The following SRGAP3 variants were observed in gnomAD, a reference collection of about 807,000 sequenced individuals.
SRGAP3 encodes SLIT-ROBO Rho GTPase activating protein 3, also known as SLIT-ROBO Rho GTPase-activating protein 3.
SRGAP3 carries 39 observed loss-of-function variants against 121.1 expected under a neutral mutation model. The observed-to-expected ratio is 0.32, with a 90% CI of 0.25 to 0.42. The LOEUF (loss-of-function observed/expected upper bound fraction) is 0.42, where lower values mean the gene tolerates loss of function less well. Ranked by LOEUF, SRGAP3 falls within the 10% of genes least tolerant of loss-of-function variation. The pLI is 1.00. For missense variants in SRGAP3, 1,213 were observed against 1,470.6 expected (o/e 0.82, Z 2.86); for synonymous variants, 601 against 570.0 (o/e 1.05, Z -0.77).
chr3:9,120,587 T>A (rs1252965184), intron 2 of SRGAP3, among the ~76,000 whole-genome samples: 1 of 152,248 alleles, frequency 6.6e-6, no homozygotes, highest in African/African-American at 2.4e-5. Flanking sequence ...CCCTGGGTTT[T>A]CATGCTCGAC....
intron 1 of SRGAP3, among the ~76,000 whole-genome samples, chr3:9,184,792 T>C (rs535352111): frequency 6.6e-6 from 1 of 152,162 alleles, no homozygotes; most frequent in African/African-American, 2.4e-5. Flanking sequence ...TCCTTATCCT[T>C]GCACCCCTCC....
Position 9,053,139 on chromosome 3 carries a change from T to C in SRGAP3, c.1211A>G (p.His404Arg). 1 of 1,614,174 alleles carries C rather than the reference T, an allele frequency of 6.2e-7. No individual in the cohort carries two copies. The highest frequency in any genetic ancestry group is 1.1e-5 in the South Asian group (1 of 91,072). Residue 404 changes from histidine to arginine, a missense_variant, in exon 9 of 22, where the codon CAC becomes CGC. Around this residue, in one of 2 missense-constraint regions of SRGAP3, gnomAD observed 793 missense variants for 1,032.9 expected, o/e 0.77. Coordinates refer to ENST00000383836, the MANE Select transcript of SRGAP3 (RefSeq NM_014850.4). ...EDFDVSDAFQ[H>R]SRSTESVKSA... Reference sequence around the variant, plus strand: ...CTTGACGGACTCTGTCGATCGACTGTGTTGGAAGGCATCGGAGACATCAAA... The same window carrying C: ...CTTGACGGACTCTGTCGATCGACTGCGTTGGAAGGCATCGGAGACATCAAA...
At chr3:9,249,767 A>C (rs183907854), upstream of SRGAP3, 2 of 214,140 alleles carry the variant, frequency 9.3e-6, no homozygotes, top group Admixed American at 5.9e-5. Flanking sequence ...ACTGCAAGCA[A>C]AAAGGGGAAG....
At chr3:9,161,902 AGGT>A (rs1292502065) in intron 1 of SRGAP3, among the ~76,000 whole-genome samples, 4 of 151,998 alleles carry the variant, frequency 2.6e-5, no homozygotes, top group Non-Finnish European at 5.9e-5. Context: ...AACAGCCAAA[AGGT>A]AGAAGCAATC....
intron 21 of SRGAP3, 105 bp from the exon 22 acceptor site, chr3:8,986,037 C>A: frequency 6.4e-7 from 1 of 1,567,686 alleles, no homozygotes; most frequent in Non-Finnish European, 8.6e-7. Flanking sequence ...CCAGAAGCCT[C>A]GCGGCAGGGA....
Position 9,362,153 on chromosome 3 carries a change from G to A in SRGAP3, n.214+687C>T, listed in dbSNP as rs978545625. 9.4e-5 allele frequency among the ~76,000 whole-genome samples: 14 copies of A among 148,768 alleles called. 1 individual carries two copies. Among genetic ancestry groups the A allele is most frequent in the African/African-American group, 3.2e-4 (13 of 40,346 alleles). ...AGTCTGTCAAAATGGCTACCATGCA[G>A]GTTCAACTCTTTTTTTTTTTTTTTT... On this transcript the variant is annotated intron_variant and non_coding_transcript_variant, in intron 1 of 3. Transcript: ENST00000490889.
rs947335216 is a variant in SRGAP3 at position 9,136,403 on chromosome 3, C to G, written c.68-11486G>C. 8.2e-5 allele frequency among the ~76,000 whole-genome samples: 12 copies of G among 146,770 alleles called. No homozygotes were observed. In the East Asian group the frequency reaches 2.0e-3, roughly 25 times the overall value. On this transcript the variant is annotated intron_variant, in intron 1 of 21. Coordinates refer to ENST00000383836, the MANE Select transcript of SRGAP3 (RefSeq NM_014850.4). The stretch of plus-strand genomic sequence containing the variant: ...GGCAACCGTCGCTGGGACCCCCCCC[C>G]CCCCCGACCGCCCCGCCCCGCCCCG...
intron 18 of SRGAP3, chr3:9,007,740 A>G (rs769011714): frequency 6.6e-6 from 1 of 152,018 alleles, no homozygotes; most frequent in Non-Finnish European, 1.5e-5. Context: ...CATTTTATAG[A>G]TAAGGAAATA....
At chr3:9,019,722 C>T (rs1478552673) in intron 14 of SRGAP3, among the ~76,000 whole-genome samples, 1 of 152,220 alleles carries the variant, frequency 6.6e-6, no homozygotes, top group Non-Finnish European at 1.5e-5. Context: ...GAGAACGGTC[C>T]CCCTGCCTTC....
At chr3:9,141,092 T>C (rs1949829053) in intron 1 of SRGAP3, among the ~76,000 whole-genome samples, 1 of 152,232 alleles carries the variant, frequency 6.6e-6, no homozygotes, top group East Asian at 1.9e-4. Flanking sequence ...AGCTTATGAC[T>C]CTGGAAACCT....
At chr3:9,206,209 C>A (rs1952261418) in intron 1 of SRGAP3, among the ~76,000 whole-genome samples, 1 of 152,156 alleles carries the variant, frequency 6.6e-6, no homozygotes, top group African/African-American at 2.4e-5. Flanking sequence ...AAAATGCAGG[C>A]TCTGTGCTAA....
chr3:9,087,527 G>T (rs1300844466), intron 3 of SRGAP3, among the ~76,000 whole-genome samples: 1 of 152,172 alleles, frequency 6.6e-6, no homozygotes, highest in Non-Finnish European at 1.5e-5. Flanking sequence ...GTGATGAAGA[G>T]GATTAAGGGG....
At chr3:9,081,876 A>G (rs1423169160) in intron 3 of SRGAP3, among the ~76,000 whole-genome samples, 1 of 152,170 alleles carries the variant, frequency 6.6e-6, no homozygotes, top group East Asian at 1.9e-4. Flanking sequence ...CAAAATTCCT[A>G]TTTTGAAATC....
chr3:9,057,547 T>C (rs1171884202), intron 7 of SRGAP3, among the ~76,000 whole-genome samples: 1 of 151,946 alleles, frequency 6.6e-6, no homozygotes, highest in Non-Finnish European at 1.5e-5. Flanking sequence ...TCCTTGCCCC[T>C]CCCCTCCCAG....
At chr3:9,049,403 A>C (rs966246933) in intron 9 of SRGAP3, 12 of 455,970 alleles carry the variant, frequency 2.6e-5, no homozygotes, top group Admixed American at 1.4e-4. Flanking sequence ...GACAGTTTTC[A>C]CACACGTACG....
chr3:9,354,825 T>C (rs1207716814), intron 1 of SRGAP3, among the ~76,000 whole-genome samples: 1 of 152,180 alleles, frequency 6.6e-6, no homozygotes, highest in African/African-American at 2.4e-5. Context: ...CTTAATCATA[T>C]GCTTGTTTAC....
intron 3 of SRGAP3, among the ~76,000 whole-genome samples, chr3:9,309,343 C>T (rs1039310763): frequency 6.6e-6 from 1 of 152,170 alleles, no homozygotes; most frequent in Non-Finnish European, 1.5e-5. Flanking sequence ...AGCCTCTGAT[C>T]CCTATTTCCC....
At chr3:9,136,424 C>T (rs1380446703) in intron 1 of SRGAP3, among the ~76,000 whole-genome samples, 16 of 151,776 alleles carry the variant, frequency 1.1e-4, no homozygotes, top group Admixed American at 2.0e-4. Flanking sequence ...CCCCGCCCCG[C>T]CCCGCGCGCC....
intron 3 of SRGAP3, among the ~76,000 whole-genome samples, chr3:9,090,276 A>G (rs964388593): frequency 6.6e-6 from 1 of 152,114 alleles, no homozygotes; most frequent in Non-Finnish European, 1.5e-5. Context: ...GTTTCCCACA[A>G]TGCCGATTAC....
Sources: gnomAD v4.1 joint callset for allele counts (sites outside exome capture counted in the v4.1 genomes callset) on GRCh38, gnomAD v4.1.1 for gene constraint, gnomAD v4.1.1 regional missense constraint, MANE v1.5 for transcripts, NCBI Gene and HGNC (gene_info 2026-07-23, HGNC 2026-07-21) for gene names.